Variants in PCGF3 observed in about 807,000 individuals in gnomAD.
PCGF3 encodes polycomb group ring finger 3.
A neutral mutation model predicts 33.1 loss-of-function variants in PCGF3; 7 were observed. The observed-to-expected ratio is 0.21, with a 90% CI of 0.12 to 0.40. The LOEUF is 0.40. PCGF3 is among the 10% of genes least tolerant of loss of function. PCGF3 has a pLI of 1.00. For missense variants in PCGF3, 211 were observed against 313.3 expected (o/e 0.67, Z 2.46); for synonymous variants, 153 against 121.3 (o/e 1.26, Z -1.72).
In PCGF3 at chr4:760,315, C is replaced by T. The variant is rs765170969; in HGVS notation, c.463-964C>T. On this transcript the variant is annotated intron_variant, in intron 8 of 10. Coordinates refer to ENST00000362003, the Ensembl canonical transcript of PCGF3. ...TCTTCTCCCCTTTCTCTTAGCCTTC[C>T]TTTTATTGTTTGAATTGGTGTGTTT... is the stretch of plus-strand genomic sequence containing the variant. Among the ~76,000 whole-genome samples the T allele has an allele frequency of 3.9e-5, 6 of 152,018 alleles. No individual in the cohort carries two copies. The East Asian group carries it at 5.8e-4, about 15-fold the overall frequency.
chr4:760,435 C>A (rs1295341158), intron 8 of PCGF3, among the ~76,000 whole-genome samples: 2 of 96,292 alleles, frequency 2.1e-5, no homozygotes, highest in Admixed American at 1.9e-4. Flanking sequence ...CAGCCATCCA[C>A]TGAGATGTTA....
chr4:761,806 G>T, intron 9 of PCGF3: 1 of 985,470 alleles, frequency 1.0e-6, no homozygotes, highest in Non-Finnish European at 1.2e-6. Context: ...GTGCTGGCAT[G>T]AGGCGGCCTT....
chr4:725,474 C>T (rs545200780), intron 1 of PCGF3, among the ~76,000 whole-genome samples: 32 of 151,258 alleles, frequency 2.1e-4, no homozygotes, highest in South Asian at 6.2e-4. Flanking sequence ...ATGGCGGAGC[C>T]GTGTCCACGT....
chr4:748,194 C>G (rs1436724277), intron 8 of PCGF3, among the ~76,000 whole-genome samples: 5 of 147,908 alleles, frequency 3.4e-5, no homozygotes, highest in African/African-American at 1.2e-4. Context: ...ATACCCACGT[C>G]TAGAGAACTT....
intron 1 of PCGF3, among the ~76,000 whole-genome samples, chr4:706,998 G>T (rs989461233): frequency 1.1e-4 from 17 of 151,682 alleles, no homozygotes; most frequent in South Asian, 4.2e-4. Flanking sequence ...CCCTGGGAAG[G>T]TCGCGACCCC....
chr4:767,841 G>T (rs922254470), exon 11 of PCGF3: 1 of 152,600 alleles, frequency 6.6e-6, no homozygotes, highest in Non-Finnish European at 1.5e-5. Context: ...AGCTGTGTAT[G>T]AATAAATATT....
chr4:752,341 T>A (rs2152606006), intron 8 of PCGF3, among the ~76,000 whole-genome samples: 1 of 152,384 alleles, frequency 6.6e-6, no homozygotes, highest in Middle Eastern at 3.4e-3. Flanking sequence ...GTGACTCATT[T>A]GCTTCACAGC....
chr4:743,730 T>G, intron 7 of PCGF3, 146 bp downstream of exon 7: 1 of 590,870 alleles, frequency 1.7e-6, no homozygotes, highest in Non-Finnish European at 3.1e-6. Flanking sequence ...CGGTTAGGGT[T>G]CAAGGCGTTC....
chr4:759,884 C>T (rs1168785795), intron 8 of PCGF3, among the ~76,000 whole-genome samples: 6 of 126,310 alleles, frequency 4.8e-5, no homozygotes, highest in East Asian at 2.4e-4. Flanking sequence ...TTCCGGACTC[C>T]GGGTCTTTCT....
intron 1 of PCGF3, among the ~76,000 whole-genome samples, chr4:714,189 G>A (rs1408291516): frequency 6.6e-6 from 1 of 152,202 alleles, no homozygotes; most frequent in Non-Finnish European, 1.5e-5. Flanking sequence ...CGAGCGCCTT[G>A]ATTCTGGACT....
At chr4:757,791 C>T (rs952767555) in intron 8 of PCGF3, 1 of 152,172 alleles carries the variant, frequency 6.6e-6, no homozygotes, top group Admixed American at 6.5e-5. Flanking sequence ...TAATCTCTTT[C>T]TTTCTTCCTC....
At chr4:716,089 G>A (rs1368124191) in intron 1 of PCGF3, among the ~76,000 whole-genome samples, 6 of 138,482 alleles carry the variant, frequency 4.3e-5, no homozygotes, top group East Asian at 2.3e-4. Flanking sequence ...ACCGGGCATC[G>A]GTGCTGGGAC....
chr4:709,215 C>CAAAT lies in PCGF3; in HGVS notation c.-190+3245_-190+3246insAAAT, dbSNP rs200255890. 1.3e-4 allele frequency among the ~76,000 whole-genome samples: 20 copies of CAAAT among 151,574 alleles called. No individual in the cohort carries two copies. In the East Asian group the frequency reaches 3.8e-3, roughly 29 times the overall value. On this transcript the variant is annotated intron_variant, in intron 1 of 10. Transcript: ENST00000362003. ...CCCAAAAGAGTGAATGATGCATGAA[C>CAAAT]GAATGAAAGGCAAGAGTGAATGATG...
chr4:714,637 C>T (rs1742730287), intron 1 of PCGF3, among the ~76,000 whole-genome samples: 1 of 152,170 alleles, frequency 6.6e-6, no homozygotes. Context: ...GGTGAGACCC[C>T]CTGGCGTTGG....
chr4:714,348 C>T (rs1434170776), intron 1 of PCGF3, among the ~76,000 whole-genome samples: 1 of 152,028 alleles, frequency 6.6e-6, no homozygotes. Context: ...GCTTCCTCTC[C>T]TTCTCTCAGT....
At chr4:717,055 G>T (rs1487738748) in intron 1 of PCGF3, among the ~76,000 whole-genome samples, 4 of 128,900 alleles carry the variant, frequency 3.1e-5, no homozygotes, top group South Asian at 3.0e-4. Flanking sequence ...ACTGGGCGTC[G>T]GTGCTGGGAC....
chr4:738,490 C>T (rs73221137), intron 6 of PCGF3, among the ~76,000 whole-genome samples: 1 of 152,156 alleles, frequency 6.6e-6, no homozygotes, highest in Admixed American at 6.5e-5. Context: ...GTTTCAGACG[C>T]GTAGCAGTGG....
chr4:733,932 T>C (rs767679176), intron 4 of PCGF3, 143 bp downstream of exon 4: 2 of 1,558,096 alleles, frequency 1.3e-6, no homozygotes, highest in Non-Finnish European at 1.7e-6. Flanking sequence ...GAGACGATCT[T>C]GAAGATAAGT....
At chr4:749,481 T>C (rs1744417705) in intron 8 of PCGF3, among the ~76,000 whole-genome samples, 1 of 123,866 alleles carries the variant, frequency 8.1e-6, no homozygotes, top group African/African-American at 2.9e-5. Flanking sequence ...CTTTCCTTTT[T>C]TTTTTTTTTT....
Sources: gnomAD v4.1 joint callset for allele counts (sites outside exome capture counted in the v4.1 genomes callset) on GRCh38, gnomAD v4.1.1 for gene constraint, MANE v1.5 for transcripts, NCBI Gene and HGNC (gene_info 2026-07-23, HGNC 2026-07-21) for gene names.